The following KCNN2 variants were observed in gnomAD, a reference collection of about 807,000 sequenced individuals.
The protein encoded by KCNN2 is potassium calcium-activated channel subfamily N member 2.
A neutral mutation model predicts 55.5 loss-of-function variants in KCNN2; 24 were observed. The observed-to-expected ratio is 0.43, with a 90% CI of 0.31 to 0.61. The LOEUF (loss-of-function observed/expected upper bound fraction) is 0.61, where lower values mean the gene tolerates loss of function less well. KCNN2 is among the 20% of genes least tolerant of loss of function. KCNN2 has a pLI of 0.08. For missense variants in KCNN2, 754 were observed against 853.6 expected, an observed-to-expected ratio of 0.88 and a Z score of 1.45; for synonymous variants, 431 against 336.1, an observed-to-expected ratio of 1.28 and a Z score of -3.09.
chr5:114,225,813 G>C (rs575520818), intron 2 of KCNN2, among the ~76,000 whole-genome samples: 1 of 152,190 alleles, frequency 6.6e-6, no homozygotes, highest in Non-Finnish European at 1.5e-5. Flanking sequence ...TAGCATTTAA[G>C]TATGAATATA....
At chr5:114,111,178 C>T (rs1305587841) in intron 1 of KCNN2, among the ~76,000 whole-genome samples, 1 of 152,056 alleles carries the variant, frequency 6.6e-6, no homozygotes, top group Non-Finnish European at 1.5e-5. Context: ...TAACACCACA[C>T]GTCTACAACC....
At chr5:114,446,867 G>A (rs965749886) in intron 3 of KCNN2, among the ~76,000 whole-genome samples, 4 of 152,186 alleles carry the variant, frequency 2.6e-5, no homozygotes, top group African/African-American at 9.6e-5. Context: ...ACACCACTGC[G>A]CTCCAGACTG....
At chr5:114,457,947 T>C (rs559065428) in intron 3 of KCNN2, among the ~76,000 whole-genome samples, 1 of 152,370 alleles carries the variant, frequency 6.6e-6, no homozygotes, top group East Asian at 1.9e-4. Flanking sequence ...TTTTAGTTGT[T>C]TCAGGAGAGA....
intron 1 of KCNN2, among the ~76,000 whole-genome samples, chr5:114,097,710 ACT>A (rs1243624940): frequency 1.3e-5 from 2 of 151,968 alleles, no homozygotes; most frequent in Non-Finnish European, 2.9e-5. Context: ...TAGAGCACAG[ACT>A]CTTTGATTAG....
intron 2 of KCNN2, among the ~76,000 whole-genome samples, chr5:114,354,619 T>C (rs1757266355): frequency 6.6e-6 from 1 of 152,200 alleles, no homozygotes; most frequent in Admixed American, 6.5e-5. Context: ...ATTGAAGTTT[T>C]ACCTAATAAT....
At chr5:114,434,519 C>T (rs373123989) in intron 3 of KCNN2, among the ~76,000 whole-genome samples, 37 of 152,174 alleles carry the variant, frequency 2.4e-4, no homozygotes, top group African/African-American at 8.2e-4. Flanking sequence ...TTTGGAATGC[C>T]TTGTAATTTT....
chr5:114,068,661 G>C (rs1455552732), intron 1 of KCNN2, among the ~76,000 whole-genome samples: 1 of 152,140 alleles, frequency 6.6e-6, no homozygotes, highest in Non-Finnish European at 1.5e-5. Context: ...CTTCCCAGAG[G>C]GTCCAGGGAA....
At chr5:114,294,802 C>G (rs1364894676) in intron 2 of KCNN2, among the ~76,000 whole-genome samples, 1 of 152,104 alleles carries the variant, frequency 6.6e-6, no homozygotes, top group African/African-American at 2.4e-5. Context: ...GTGTTAAAGT[C>G]TCCCATTATT....
intron 5 of KCNN2, among the ~76,000 whole-genome samples, chr5:114,478,590 C>CA (rs1762080338): frequency 6.6e-6 from 1 of 151,826 alleles, no homozygotes; most frequent in African/African-American, 2.4e-5. Flanking sequence ...CCCCAAGACA[C>CA]AAAATCATCA....
intron 2 of KCNN2, among the ~76,000 whole-genome samples, chr5:114,373,565 T>C (rs1471163401): frequency 6.9e-6 from 1 of 145,326 alleles, no homozygotes; most frequent in Non-Finnish European, 1.5e-5. Flanking sequence ...TTACTTAATC[T>C]CTCTGAACTT....
chr5:114,358,677 T>C (rs1407302536), upstream of KCNN2, among the ~76,000 whole-genome samples: 4 of 152,240 alleles, frequency 2.6e-5, no homozygotes, highest in South Asian at 4.1e-4. Context: ...TGTTTCTTCA[T>C]TTCCTTCCTC....
At chr5:114,242,554 A>G (rs1274856161) in intron 2 of KCNN2, among the ~76,000 whole-genome samples, 1 of 152,150 alleles carries the variant, frequency 6.6e-6, no homozygotes, top group African/African-American at 2.4e-5. Context: ...TAATTCAACT[A>G]TTTCTCTACT....
At chr5:114,294,029 G>A (rs939346216) in intron 2 of KCNN2, among the ~76,000 whole-genome samples, 5 of 152,014 alleles carry the variant, frequency 3.3e-5, no homozygotes, top group African/African-American at 4.8e-5. Context: ...CTGTGGGATC[G>A]GTGGTGATAT....
chr5:114,285,244 A>G (rs992797129), intron 2 of KCNN2, among the ~76,000 whole-genome samples: 1 of 138,884 alleles, frequency 7.2e-6, no homozygotes, highest in Non-Finnish European at 1.5e-5. Flanking sequence ...AGATCATGCC[A>G]CTGCACTCCA....
intron 2 of KCNN2, among the ~76,000 whole-genome samples, chr5:114,258,312 T>C (rs750928099): frequency 5.3e-4 from 80 of 152,164 alleles, no homozygotes; most frequent in Non-Finnish European, 6.3e-4. Flanking sequence ...TTTTACTTTT[T>C]AGTGTGTTCT....
At chr5:114,158,448 G>C (rs201760847) in intron 1 of KCNN2, among the ~76,000 whole-genome samples, 122,543 of 151,708 alleles carry the variant, frequency 0.81, 50,794 homozygotes, top group East Asian at 0.95. Context: ...ATGCTTCCAG[G>C]TTTGTTCTTT....
intron 2 of KCNN2, among the ~76,000 whole-genome samples, chr5:114,240,937 G>A (rs561236265): frequency 1.0e-3 from 159 of 151,962 alleles, no homozygotes; most frequent in Non-Finnish European, 1.8e-3. Flanking sequence ...TTAACTCTCA[G>A]GCAGATTAAG....
intron 2 of KCNN2, among the ~76,000 whole-genome samples, chr5:114,259,677 G>A (rs1025340997): frequency 6.6e-6 from 1 of 152,094 alleles, no homozygotes; most frequent in Non-Finnish European, 1.5e-5. Context: ...GGTTCTGACA[G>A]TTCAGATACT....
chr5:114,269,568 T>A (rs1580677184), intron 2 of KCNN2, among the ~76,000 whole-genome samples: 1 of 152,008 alleles, frequency 6.6e-6, no homozygotes, highest in Non-Finnish European at 1.5e-5. Flanking sequence ...ACTGTAGACC[T>A]TCCTTTCAGA....
Sources: gnomAD v4.1 joint callset for allele counts (sites outside exome capture counted in the v4.1 genomes callset) on GRCh38, gnomAD v4.1.1 for gene constraint, MANE v1.5 for transcripts, NCBI Gene and HGNC (gene_info 2026-07-23, HGNC 2026-07-21) for gene names.